EXPH5: variants seen among roughly 807,000 people sequenced by gnomAD.
The protein encoded by EXPH5 is exophilin 5.
A neutral mutation model predicts 41.1 loss-of-function variants in EXPH5; 42 were observed. The ratio of observed to expected loss-of-function variants is 1.02; its 90% confidence interval spans 0.80 to 1.32. The LOEUF is 1.32. EXPH5 is among the 40% of genes most tolerant of loss of function. The pLI is 0.00. For synonymous variants in EXPH5, 798 were observed against 833.5 expected (o/e 0.96, Z 0.73); for missense variants, 2,298 against 2,314.5 (o/e 0.99, Z 0.15).
chr11:108,542,960 C>A (rs946969605), intron 1 of EXPH5, among the ~76,000 whole-genome samples: 1 of 152,116 alleles, frequency 6.6e-6, no homozygotes. Context: ...CTCTAGTGAT[C>A]CCCCTGCCTT....
In EXPH5 at chr11:108,573,139, G is replaced by GAAA. The variant is rs2094066723; in HGVS notation, c.119+20278_119+20279insTTT. Among the ~76,000 whole-genome samples the GAAA allele has an allele frequency of 3.1e-4, 28 of 90,558 alleles. 1 individual carries two copies. The highest frequency in any genetic ancestry group is 2.2e-4 in the Non-Finnish European group (10 of 45,360). The allele number at this position is 90,558 out of a possible 152,430, so 59.4% of individuals were successfully genotyped here. ...AAAAAGAAAAGAAGGAAGGAAAGAA[G>GAAA]GAAAGAAAGAAAGAAAGAAAGAAAG... On this transcript the variant is annotated intron_variant, in intron 1 of 5. Transcript: ENST00000265843.
At chr11:108,585,509 C>G (rs1235339127) in intron 1 of EXPH5, among the ~76,000 whole-genome samples, 1 of 152,196 alleles carries the variant, frequency 6.6e-6, no homozygotes, top group African/African-American at 2.4e-5. Flanking sequence ...GGGACTTCAC[C>G]AAACACAGAC....
chr11:108,531,765 G>A (rs2093839480), intron 3 of EXPH5, among the ~76,000 whole-genome samples: 1 of 152,148 alleles, frequency 6.6e-6, no homozygotes, highest in Non-Finnish European at 1.5e-5. Flanking sequence ...ATGGCCACAG[G>A]CCATTGAGAT....
chr11:108,513,733 C>T lies in EXPH5; in HGVS notation c.1774G>A (p.Val592Ile), dbSNP rs111348034. Residue 592 changes from valine (V) to isoleucine (I), a missense_variant, in exon 6 of 6, where the codon GTC becomes ATC. By Grantham distance (29) the Val-to-Ile change is conservative (BLOSUM62 3). Transcript: ENST00000265843. ...VCSMTGSSYH[V>I]KSSELVSQQD... Reference sequence around the variant, plus strand: ...TGACTTACCAACTCACTAGATTTGACGTGATAGCTTGAACCAGTCATGGAG... The same window carrying T: ...TGACTTACCAACTCACTAGATTTGATGTGATAGCTTGAACCAGTCATGGAG... 6.0e-5 allele frequency: 96 copies of T among 1,611,874 alleles called. No individual in the cohort carries two copies. The highest frequency in any genetic ancestry group is 3.3e-4 in the African/African-American group (25 of 74,944).
intron 4 of EXPH5, among the ~76,000 whole-genome samples, chr11:108,525,437 G>A (rs776554275): frequency 3.3e-5 from 5 of 152,120 alleles, no homozygotes; most frequent in Admixed American, 2.0e-4. Context: ...CCTGCAATAC[G>A]CAGGAGTCCA....
chr11:108,575,285 G>C (rs116519250), intron 1 of EXPH5, among the ~76,000 whole-genome samples: 2 of 152,172 alleles, frequency 1.3e-5, no homozygotes, highest in Admixed American at 6.5e-5. Flanking sequence ...TAAAACAAAG[G>C]CCTTCCCGCA....
At chr11:108,522,280 T>C (rs1229914984) in intron 4 of EXPH5, among the ~76,000 whole-genome samples, 2 of 152,160 alleles carry the variant, frequency 1.3e-5, no homozygotes, top group African/African-American at 4.8e-5. Context: ...AGACTTCTAA[T>C]TTTTATTTAA....
rs769327439 is a variant in EXPH5 at position 108,514,144 on chromosome 11, T to C, written c.1363A>G (p.Asn455Asp). ...SENMPFYHQS[N>D]TFTRSFFSNT... ...CTGAAGAAAGATCTGGTAAATGTGT[T>C]GCTTTGATGGTAGAATGGCATGTTC... Residue 455 changes from asparagine to aspartate, a missense_variant, in exon 6 of 6, where the codon AAC (asparagine) becomes GAC (aspartate). Transcript: ENST00000265843. 3.7e-6 allele frequency: 6 copies of C among 1,613,868 alleles called. No homozygotes were observed.
At chr11:108,548,393 G>C (rs2093948601) in intron 1 of EXPH5, among the ~76,000 whole-genome samples, 1 of 152,130 alleles carries the variant, frequency 6.6e-6, no homozygotes, top group Non-Finnish European at 1.5e-5. Context: ...CCTGAAGATA[G>C]TGAGAAATGA....
chr11:108,512,462 A>G lies in EXPH5; in HGVS notation c.3045T>C (p.Leu1015=). Residue 1015 remains leucine (L), a synonymous_variant, in exon 6 of 6, where the codon CTT becomes CTC. Coordinates refer to ENST00000265843, the MANE Select transcript of EXPH5 (RefSeq NM_015065.3). ...ANQSNSKVSE[L]DTIYCTLPRK... ...TTGGCAAGGTACAATAAATTGTGTCAAGTTCAGAAACTTTGGAATTGCTTT... is the reference window on the plus strand; with the variant it reads ...TTGGCAAGGTACAATAAATTGTGTCGAGTTCAGAAACTTTGGAATTGCTTT... 6.2e-7 allele frequency: 1 copy of G among 1,614,016 alleles called. No individual in the cohort carries two copies. The highest frequency in any genetic ancestry group is 8.5e-7 in the Non-Finnish European group (1 of 1,179,978).
intron 1 of EXPH5, among the ~76,000 whole-genome samples, chr11:108,590,932 C>T (rs1434384943): frequency 1.3e-5 from 2 of 152,200 alleles, no homozygotes; most frequent in East Asian, 1.9e-4. Flanking sequence ...GGATTACAGG[C>T]GTGAGCCACC....
rs530648495 is a variant in EXPH5 at position 108,551,746 on chromosome 11, A to T, written c.120-9934T>A. Among the ~76,000 whole-genome samples the T allele has an allele frequency of 2.9e-4, 44 of 152,238 alleles. 1 individual carries two copies. In the South Asian group the frequency reaches 8.7e-3, roughly 30 times the overall value. Reference sequence around the variant, plus strand: ...CAGCCATCAGCCAACCCCAGAATGAAGTTTCCAATTACATCAAATCCTGTG... The same window carrying T: ...CAGCCATCAGCCAACCCCAGAATGATGTTTCCAATTACATCAAATCCTGTG... On this transcript the variant is annotated intron_variant, in intron 1 of 5. Coordinates refer to ENST00000265843, the MANE Select transcript of EXPH5 (RefSeq NM_015065.3).
rs1451760072 is a variant in EXPH5 at position 108,513,066 on chromosome 11, T to C, written c.2441A>G (p.Gln814Arg). ...GAAAGATGGTGGTGTTCTGTGTTCCTGAATGAAAGGAAGGGAAGCTGTTGA... is the reference window on the plus strand; with the variant it reads ...GAAAGATGGTGGTGTTCTGTGTTCCCGAATGAAAGGAAGGGAAGCTGTTGA... ...LGSTASLPFI[Q>R]EHRTPPSFPR... Residue 814 changes from glutamine to arginine, a missense_variant, in exon 6 of 6, where the codon CAG (glutamine) becomes CGG (arginine). By Grantham distance (43) the Gln-to-Arg change is conservative. Transcript: ENST00000265843. 4 of 1,612,440 alleles carry C rather than the reference T, an allele frequency of 2.5e-6. No individual in the cohort carries two copies. The highest frequency in any genetic ancestry group is 2.7e-5 in the African/African-American group (2 of 74,766).
intron 4 of EXPH5, among the ~76,000 whole-genome samples, chr11:108,518,624 A>G (rs1052906259): frequency 2.0e-5 from 3 of 152,176 alleles, no homozygotes; most frequent in Non-Finnish European, 4.4e-5. Flanking sequence ...CTCTCTGCCA[A>G]GTTTCCTACG....
the EXPH5 span, among the ~76,000 whole-genome samples, chr11:108,605,674 ACT>A: frequency 6.6e-6 from 1 of 152,242 alleles, no homozygotes. Context: ...TGTGGGATAC[ACT>A]CTGCTAATTG....
intron 3 of EXPH5, among the ~76,000 whole-genome samples, chr11:108,533,513 A>T (rs1230246058): frequency 1.3e-5 from 2 of 152,054 alleles, no homozygotes; most frequent in Non-Finnish European, 2.9e-5. Context: ...TACATTCTAA[A>T]TCTTGCACAA....
At position 108,539,285 on chromosome 11, in the gene EXPH5, T is replaced by C. The variant is rs1424552037; in HGVS notation, c.281-99A>G. 7 of 903,420 alleles carry C rather than the reference T, an allele frequency of 7.7e-6. No homozygotes were observed. In the East Asian group the frequency reaches 1.5e-4, roughly 20 times the overall value. 56.0% of individuals were successfully genotyped at this position (903,420 alleles called of 1,614,324 possible). A position where few individuals can be genotyped will look rare whatever the true frequency, so the allele number is the denominator to read the frequency against. On this transcript the variant is annotated intron_variant, in intron 2 of 5. Transcript: ENST00000265843. Reference sequence around the variant, plus strand: ...CTCTTGTGTCACTTTCTCCCTCTTATGCAGACTAGAAACAGGGCAGGCAAC... The same window carrying C: ...CTCTTGTGTCACTTTCTCCCTCTTACGCAGACTAGAAACAGGGCAGGCAAC...
intron 1 of EXPH5, among the ~76,000 whole-genome samples, chr11:108,544,885 T>C (rs1591719732): frequency 6.6e-6 from 1 of 152,342 alleles, no homozygotes; most frequent in East Asian, 1.9e-4. Flanking sequence ...ATTATAGGTA[T>C]CATTTCTATT....
chr11:108,605,696 C>A, the EXPH5 span, among the ~76,000 whole-genome samples: 1 of 152,210 alleles, frequency 6.6e-6, no homozygotes, highest in Non-Finnish European at 1.5e-5. Flanking sequence ...GCTAACTCTG[C>A]GTCCTTTGAA....
Sources: allele counts gnomAD v4.1 joint callset (sites outside exome capture counted in the v4.1 genomes callset), GRCh38; gene constraint gnomAD v4.1.1; transcripts MANE v1.5; gene names NCBI Gene and HGNC (gene_info 2026-07-23, HGNC 2026-07-21).